The following PDCD6IP variants were observed in gnomAD, a reference collection of about 807,000 sequenced individuals.
PDCD6IP encodes programmed cell death 6 interacting protein, also known as programmed cell death 6-interacting protein.
PDCD6IP carries 43 observed loss-of-function variants against 103.7 expected under a neutral mutation model. That is an observed-to-expected ratio of 0.41 (90% CI 0.32 to 0.53). The LOEUF is 0.53. Ranked by LOEUF, PDCD6IP falls within the 20% of genes least tolerant of loss-of-function variation. PDCD6IP has a pLI of 0.16. For missense variants in PDCD6IP, 871 were observed against 1,036.7 expected, an observed-to-expected ratio of 0.84 and a Z score of 2.20; for synonymous variants, 354 against 378.7, an observed-to-expected ratio of 0.93 and a Z score of 0.76.
chr3:33,849,817 A>G (rs1697674102), intron 12 of PDCD6IP, among the ~76,000 whole-genome samples: 1 of 152,242 alleles, frequency 6.6e-6, no homozygotes. Context: ...AATATGTTAA[A>G]CTAGTGTACT....
intron 12 of PDCD6IP, among the ~76,000 whole-genome samples, chr3:33,850,983 T>C (rs1311378541): frequency 1.3e-5 from 2 of 152,030 alleles, no homozygotes; most frequent in Admixed American, 1.3e-4. Flanking sequence ...TTAGGATGTT[T>C]AGGAGATATG....
At chr3:33,855,046 C>G in intron 14 of PDCD6IP, 120 bp from the exon 15 acceptor site, 1 of 603,654 alleles carries the variant, frequency 1.7e-6, no homozygotes. Flanking sequence ...ATAAATGTAT[C>G]TCATGCAGAT....
chr3:33,823,873 A>G (rs1312875597), intron 4 of PDCD6IP, among the ~76,000 whole-genome samples: 2 of 152,124 alleles, frequency 1.3e-5, no homozygotes, highest in Non-Finnish European at 2.9e-5. Flanking sequence ...AGTATATGAG[A>G]TTTTAGAAAG....
intron 15 of PDCD6IP, among the ~76,000 whole-genome samples, chr3:33,861,826 T>A (rs760799865): frequency 6.6e-5 from 10 of 152,244 alleles, no homozygotes; most frequent in Admixed American, 3.3e-4. Flanking sequence ...TGCTTTTTAA[T>A]TTCTGTTTTC....
At chr3:33,856,868 A>G (rs962166062) in intron 15 of PDCD6IP, among the ~76,000 whole-genome samples, 6 of 152,188 alleles carry the variant, frequency 3.9e-5, no homozygotes, top group Admixed American at 6.5e-5. Flanking sequence ...AATACATGCT[A>G]AAGATTTTAT....
At position 33,867,110 on chromosome 3, in the gene PDCD6IP, A is replaced by G. The variant is rs1166236365; in HGVS notation, c.*585A>G. ...TATAAGTTAAACAGATACTGTTTTT[A>G]AGTGCATGAATAGTACAAGTTATTA... is the stretch of plus-strand genomic sequence containing the variant. On this transcript the variant is annotated 3_prime_UTR_variant, in exon 18 of 18. Coordinates refer to ENST00000307296, the MANE Select transcript of PDCD6IP (RefSeq NM_013374.6). 2 of 152,168 alleles carry G rather than the reference A, an allele frequency of 1.3e-5. No homozygotes were observed. The highest frequency in any genetic ancestry group is 2.9e-5 in the Non-Finnish European group (2 of 68,018). 9.4% of individuals were successfully genotyped at this position (152,168 alleles called of 1,614,324 possible). A position where few individuals can be genotyped will look rare whatever the true frequency, so the allele number is the denominator to read the frequency against.
At chr3:33,807,570 C>G (rs1696625885) in intron 1 of PDCD6IP, among the ~76,000 whole-genome samples, 1 of 152,172 alleles carries the variant, frequency 6.6e-6, no homozygotes, top group African/African-American at 2.4e-5. Flanking sequence ...GGGCAGGTGC[C>G]CACAGTAGAC....
chr3:33,799,040 G>C, intron 1 of PDCD6IP, 103 bp downstream of exon 1: 5 of 1,140,330 alleles, frequency 4.4e-6, no homozygotes, highest in East Asian at 2.6e-5. Context: ...GGGCGGAGCC[G>C]CCCCGTCCCG....
intron 16 of PDCD6IP, among the ~76,000 whole-genome samples, chr3:33,864,804 A>G (rs1698028734): frequency 6.6e-6 from 1 of 152,268 alleles, no homozygotes; most frequent in Admixed American, 6.5e-5. Flanking sequence ...GGATGTAGTT[A>G]TAGATAAAGC....
chr3:33,838,822 G>T (rs1697409275), intron 9 of PDCD6IP, among the ~76,000 whole-genome samples: 1 of 150,924 alleles, frequency 6.6e-6, no homozygotes, highest in South Asian at 2.1e-4. Flanking sequence ...TGTTTTTTGG[G>T]ACAGGGTCTT....
At chr3:33,800,818 A>T (rs1363743351) in intron 1 of PDCD6IP, among the ~76,000 whole-genome samples, 2 of 152,152 alleles carry the variant, frequency 1.3e-5, no homozygotes, top group Non-Finnish European at 2.9e-5. Context: ...CAGCCCTCAG[A>T]TTTGGGGTCT....
At chr3:33,805,225 G>A (rs1017007831) in intron 1 of PDCD6IP, among the ~76,000 whole-genome samples, 9 of 151,664 alleles carry the variant, frequency 5.9e-5, no homozygotes, top group African/African-American at 2.2e-4. Context: ...TCATGGTGGC[G>A]GGTGCCTGTA....
At chr3:33,821,176 A>ATT (rs201181955) in intron 3 of PDCD6IP, among the ~76,000 whole-genome samples, 150 of 144,312 alleles carry the variant, frequency 1.0e-3, no homozygotes, top group African/African-American at 1.6e-3. Flanking sequence ...TTTAAAAACA[A>ATT]TTTTTTTTTT....
chr3:33,829,656 A>T (rs949231141), intron 7 of PDCD6IP, among the ~76,000 whole-genome samples: 2 of 152,114 alleles, frequency 1.3e-5, no homozygotes, highest in Non-Finnish European at 2.9e-5. Flanking sequence ...TTGTGTTTTG[A>T]GTATTGGTAG....
rs372236862 is a variant in PDCD6IP at position 33,814,762 on chromosome 3, TAC to T, written c.334+1140_334+1141del. 1.9e-3 allele frequency among the ~76,000 whole-genome samples: 282 copies of T among 145,678 alleles called. 3 individuals are homozygous for T. Among genetic ancestry groups the T allele is most frequent in the Non-Finnish European group, 3.1e-3 (211 of 67,018 alleles). On this transcript the variant is annotated intron_variant, in intron 3 of 17. Coordinates refer to ENST00000307296, the MANE Select transcript of PDCD6IP (RefSeq NM_013374.6). ...ACATATATGTATATATACTTACATA[TAC>T]ACACATATATAGTATATTTGTATAC...
In PDCD6IP at chr3:33,859,646, G is replaced by T. The variant is rs184971873; in HGVS notation, c.2121-4360G>T. Among the ~76,000 whole-genome samples the T allele has an allele frequency of 7.2e-5, 11 of 152,256 alleles. No homozygotes were observed. In the East Asian group the frequency reaches 2.1e-3, roughly 29 times the overall value. ...AATTAGTCTGAAGTAATATTTTTCA[G>T]ATTGGCAAGAATCTGAAAGTTTGAT... On this transcript the variant is annotated intron_variant, in intron 15 of 17. Coordinates refer to ENST00000307296, the MANE Select transcript of PDCD6IP (RefSeq NM_013374.6).
At chr3:33,821,526 A>G (rs1696992195) in intron 3 of PDCD6IP, among the ~76,000 whole-genome samples, 1 of 152,040 alleles carries the variant, frequency 6.6e-6, no homozygotes, top group Non-Finnish European at 1.5e-5. Context: ...AAGGCCAGCT[A>G]GGAGGTAATT....
chr3:33,834,527 T>C (rs910636757), intron 7 of PDCD6IP, among the ~76,000 whole-genome samples: 1 of 152,236 alleles, frequency 6.6e-6, no homozygotes, highest in Non-Finnish European at 1.5e-5. Flanking sequence ...TATCTTTCTC[T>C]AAGCATGATA....
chr3:33,798,963 GGTT>G (rs1559766703), intron 1 of PDCD6IP, 26 bp downstream of exon 1: 2 of 1,497,748 alleles, frequency 1.3e-6, no homozygotes, highest in Non-Finnish European at 1.8e-6. Flanking sequence ...GGAGTGGGTA[GGTT>G]GTCTGCCAGC....
Sources: gnomAD v4.1 joint callset for allele counts (sites outside exome capture counted in the v4.1 genomes callset) on GRCh38, gnomAD v4.1.1 for gene constraint, MANE v1.5 for transcripts, NCBI Gene and HGNC (gene_info 2026-07-23, HGNC 2026-07-21) for gene names.